Variants in MAPK8 observed in about 807,000 individuals in gnomAD.
MAPK8 encodes the protein JUN N-terminal kinase.
MAPK8 carries 13 observed loss-of-function variants against 52.9 expected under a neutral mutation model. That is an observed-to-expected ratio of 0.25 (90% CI 0.16 to 0.39). MAPK8 has a LOEUF of 0.39. Ranked by LOEUF, MAPK8 falls within the 10% of genes least tolerant of loss-of-function variation. The pLI, the probability that MAPK8 is intolerant of heterozygous loss-of-function variation, is 1.00. For missense variants in MAPK8, 300 were observed against 519.2 expected, an observed-to-expected ratio of 0.58 and a Z score of 4.10; for synonymous variants, 191 against 169.8, an observed-to-expected ratio of 1.12 and a Z score of -0.97.
At chr10:48,407,078 A>G (rs2042513410) in intron 3 of MAPK8, among the ~76,000 whole-genome samples, 1 of 152,174 alleles carries the variant, frequency 6.6e-6, no homozygotes, top group Non-Finnish European at 1.5e-5. Context: ...ATTAAATTTC[A>G]AAGGTGAAAT....
intron 1 of MAPK8, among the ~76,000 whole-genome samples, chr10:48,377,366 A>AC (rs1285185263): frequency 1.3e-5 from 2 of 151,738 alleles, no homozygotes; most frequent in African/African-American, 4.8e-5. Flanking sequence ...AATTTAAAAA[A>AC]AAAATACATT....
chr10:48,355,329 G>A (rs113831093), intron 1 of MAPK8, among the ~76,000 whole-genome samples: 7 of 152,026 alleles, frequency 4.6e-5, no homozygotes, highest in Non-Finnish European at 8.8e-5. Context: ...CTAACACGGC[G>A]AAACCCCATC....
intron 1 of MAPK8, among the ~76,000 whole-genome samples, chr10:48,350,886 A>C (rs1846256570): frequency 6.6e-6 from 1 of 152,164 alleles, no homozygotes; most frequent in African/African-American, 2.4e-5. Context: ...TCAGCCCAAA[A>C]TCTCCTTAAG....
At chr10:48,405,922 G>A (rs576872559) in intron 3 of MAPK8, among the ~76,000 whole-genome samples, 1 of 152,266 alleles carries the variant, frequency 6.6e-6, no homozygotes, top group South Asian at 2.1e-4. Flanking sequence ...TCAGGATTAG[G>A]CCCTTTATTT....
chr10:48,404,673 T>G (rs3730155), intron 2 of MAPK8, among the ~76,000 whole-genome samples, 179 bp from the exon 3 acceptor site: 6,167 of 152,196 alleles, frequency 0.041, 323 homozygotes, highest in East Asian at 0.29. Flanking sequence ...TAGGAAATAG[T>G]TGCAAAAAAA....
chr10:48,415,766 A>G (rs1465105165), intron 5 of MAPK8, among the ~76,000 whole-genome samples: 16 of 152,226 alleles, frequency 1.1e-4, no homozygotes, highest in Non-Finnish European at 7.3e-5. Flanking sequence ...ATACACAATT[A>G]TACATGAAGT....
At chr10:48,408,539 G>C (rs930957523) in intron 3 of MAPK8, among the ~76,000 whole-genome samples, 4 of 152,206 alleles carry the variant, frequency 2.6e-5, no homozygotes, top group African/African-American at 4.8e-5. Context: ...CTTAGCAGGA[G>C]ATGAAGTGAG....
intron 1 of MAPK8, among the ~76,000 whole-genome samples, chr10:48,335,207 C>CT (rs989826709): frequency 6.6e-5 from 10 of 151,896 alleles, no homozygotes; most frequent in African/African-American, 2.4e-4. Context: ...CCAGGTTTTC[C>CT]TTTTTTTTAA....
chr10:48,323,072 T>A (rs944050536), intron 1 of MAPK8, among the ~76,000 whole-genome samples: 1 of 152,080 alleles, frequency 6.6e-6, no homozygotes, highest in African/African-American at 2.4e-5. Context: ...TTCCTGAGGG[T>A]AAGATTTTGG....
chr10:48,380,905 C>G (rs745840356), intron 1 of MAPK8, among the ~76,000 whole-genome samples: 5 of 152,072 alleles, frequency 3.3e-5, no homozygotes, highest in African/African-American at 4.8e-5. Flanking sequence ...GCAGGAGACT[C>G]CATCAAAGAG....
chr10:48,391,553 G>C (rs566637088), intron 1 of MAPK8, among the ~76,000 whole-genome samples: 1 of 152,170 alleles, frequency 6.6e-6, no homozygotes, highest in South Asian at 2.1e-4. Flanking sequence ...CTTTTTTTCT[G>C]TTCTCTCAAC....
At chr10:48,377,493 T>C (rs1715818777) in intron 1 of MAPK8, among the ~76,000 whole-genome samples, 1 of 152,216 alleles carries the variant, frequency 6.6e-6, no homozygotes, top group Admixed American at 6.5e-5. Flanking sequence ...TGCGGTAAGA[T>C]GTGACTGTGG....
chr10:48,321,118 A>G (rs1172662593), intron 1 of MAPK8, among the ~76,000 whole-genome samples: 3 of 113,318 alleles, frequency 2.6e-5, no homozygotes, highest in Non-Finnish European at 5.1e-5. Flanking sequence ...TTTTTAAGAG[A>G]TGGGGTTCTT....
intron 1 of MAPK8, among the ~76,000 whole-genome samples, chr10:48,333,250 A>G (rs2132267275): frequency 6.6e-6 from 1 of 152,284 alleles, no homozygotes; most frequent in East Asian, 1.9e-4. Context: ...ACAGCCTCAT[A>G]TTTTAGAATC....
intron 1 of MAPK8, among the ~76,000 whole-genome samples, chr10:48,322,340 A>G (rs994264137): frequency 6.6e-6 from 1 of 152,022 alleles, no homozygotes; most frequent in African/African-American, 2.4e-5. Flanking sequence ...TTTTGAATAT[A>G]TTAAGCATGT....
At chr10:48,403,419 C>T (rs1389805920) in intron 2 of MAPK8, among the ~76,000 whole-genome samples, 12 of 150,508 alleles carry the variant, frequency 8.0e-5, no homozygotes, top group Non-Finnish European at 1.8e-4. Context: ...GATGGTGTCA[C>T]TGCACTCCAG....
intron 1 of MAPK8, among the ~76,000 whole-genome samples, chr10:48,314,297 A>G (rs2132090657): frequency 6.6e-6 from 1 of 152,192 alleles, no homozygotes; most frequent in African/African-American, 2.4e-5. Context: ...CTCCACCCTC[A>G]TGACCTAATA....
intron 6 of MAPK8, among the ~76,000 whole-genome samples, chr10:48,422,439 A>G (rs1256835749): frequency 6.6e-6 from 1 of 152,164 alleles, no homozygotes; most frequent in Non-Finnish European, 1.5e-5. Flanking sequence ...TTAATAGACT[A>G]AGCAGTTAGT....
At chr10:48,423,992 G>A (rs2043520043) in intron 6 of MAPK8, 96 bp from the exon 7 acceptor site, 1 of 735,338 alleles carries the variant, frequency 1.4e-6, no homozygotes, top group South Asian at 2.7e-5. Context: ...TTTTCGTGAC[G>A]TTTTGCAGTT....
Sources: gnomAD v4.1 joint callset for allele counts (sites outside exome capture counted in the v4.1 genomes callset) on GRCh38, gnomAD v4.1.1 for gene constraint, MANE v1.5 for transcripts, NCBI Gene and HGNC (gene_info 2026-07-23, HGNC 2026-07-21) for gene names.